The following BRINP1 variants were observed in gnomAD, a reference collection of about 807,000 sequenced individuals.
The protein encoded by BRINP1 is BMP/retinoic acid inducible neural specific 1.
A neutral mutation model predicts 72.9 loss-of-function variants in BRINP1; 17 were observed. That is an observed-to-expected ratio of 0.23 (90% confidence interval 0.16 to 0.35). The LOEUF is 0.35. BRINP1 is among the 10% of genes least tolerant of loss of function. BRINP1 has a pLI of 1.00. For missense variants in BRINP1, 850 were observed against 1,001.6 expected (o/e 0.85, Z 2.04); for synonymous variants, 418 against 378.5 (o/e 1.10, Z -1.21).
At chr9:119,173,341 G>C (rs1397622778) in intron 7 of BRINP1, among the ~76,000 whole-genome samples, 1 of 145,492 alleles carries the variant, frequency 6.9e-6, no homozygotes, top group African/African-American at 2.6e-5. Flanking sequence ...ACCAACAACA[G>C]ACAAACAGAG....
intron 1 of BRINP1, among the ~76,000 whole-genome samples, chr9:119,351,130 C>A (rs1831504549): frequency 6.6e-6 from 1 of 152,228 alleles, no homozygotes; most frequent in Non-Finnish European, 1.5e-5. Context: ...CATGTATTCT[C>A]ATCTATTCAT....
intron 7 of BRINP1, among the ~76,000 whole-genome samples, chr9:119,193,972 A>T (rs996769295): frequency 6.6e-6 from 1 of 152,176 alleles, no homozygotes. Context: ...TCTGAGATCC[A>T]TTCTAAGCAG....
intron 1 of BRINP1, among the ~76,000 whole-genome samples, chr9:119,337,934 C>A (rs1011652093): frequency 6.6e-6 from 1 of 152,136 alleles, no homozygotes; most frequent in African/African-American, 2.4e-5. Flanking sequence ...CACTGGGAAC[C>A]TAGGATGCCT....
chr9:119,215,187 C>T (rs1413379345), intron 5 of BRINP1, among the ~76,000 whole-genome samples: 1 of 152,144 alleles, frequency 6.6e-6, no homozygotes, highest in African/African-American at 2.4e-5. Flanking sequence ...TAGGAAGTGA[C>T]CAGCCCATGG....
intron 2 of BRINP1, among the ~76,000 whole-genome samples, chr9:119,303,832 G>A (rs1467308518): frequency 6.6e-6 from 1 of 151,108 alleles, no homozygotes; most frequent in Non-Finnish European, 1.5e-5. Context: ...TTAGCTACTA[G>A]TCCTCAAACA....
chr9:119,185,519 C>T (rs1018366867), intron 7 of BRINP1, among the ~76,000 whole-genome samples: 12 of 152,174 alleles, frequency 7.9e-5, no homozygotes, highest in South Asian at 2.1e-4. Flanking sequence ...GGCTAACACT[C>T]GTTGCCCAAC....
intron 1 of BRINP1, among the ~76,000 whole-genome samples, chr9:119,319,146 A>G (rs1217127695): frequency 6.6e-6 from 1 of 151,468 alleles, no homozygotes; most frequent in Non-Finnish European, 1.5e-5. Flanking sequence ...CTCTAATCCA[A>G]CTCCTTTTTA....
intron 1 of BRINP1, among the ~76,000 whole-genome samples, chr9:119,337,659 G>A (rs561992577): frequency 3.9e-5 from 6 of 152,324 alleles, no homozygotes; most frequent in Non-Finnish European, 7.3e-5. Flanking sequence ...AATTGAACCT[G>A]TGACCACAGT....
chr9:119,189,182 A>T (rs1829657730), intron 7 of BRINP1, among the ~76,000 whole-genome samples: 1 of 152,144 alleles, frequency 6.6e-6, no homozygotes, highest in African/African-American at 2.4e-5. Flanking sequence ...TTACAGAGAT[A>T]CACAAATGAG....
chr9:119,227,428 G>C, intron 5 of BRINP1, among the ~76,000 whole-genome samples: 1 of 152,016 alleles, frequency 6.6e-6, no homozygotes. Context: ...GGCGAGCATA[G>C]AACAAGGTGC....
chr9:119,279,280 C>T, intron 2 of BRINP1, among the ~76,000 whole-genome samples: 1 of 152,240 alleles, frequency 6.6e-6, no homozygotes, highest in East Asian at 1.9e-4. Flanking sequence ...TATCTAAACT[C>T]TTAGTTTGGT....
chr9:119,239,546 T>C (rs1358564583), intron 4 of BRINP1, among the ~76,000 whole-genome samples: 1 of 152,160 alleles, frequency 6.6e-6, no homozygotes, highest in Non-Finnish European at 1.5e-5. Flanking sequence ...TTATTTAGGG[T>C]TGTTTTGAAG....
Position 119,167,203 on chromosome 9 carries a change from T to C in BRINP1, c.2167A>G (p.Met723Val). 4 of 1,614,086 alleles carry C rather than the reference T, an allele frequency of 2.5e-6. No homozygotes were observed. In the South Asian group the frequency reaches 4.4e-5, roughly 18 times the overall value. ...GTCAGTTTCAGGCGGTGTTTCAGCATACAGGAGAACAAGTCCAGCTGGGGT... is the reference window on the plus strand; with the variant it reads ...GTCAGTTTCAGGCGGTGTTTCAGCACACAGGAGAACAAGTCCAGCTGGGGT... ...GKPQLDLFSCMLKHRLKLTNS... is the reference protein window; with the variant it reads ...GKPQLDLFSCVLKHRLKLTNS... Residue 723 changes from methionine (M) to valine (V), a missense_variant, in exon 8 of 8, where the codon ATG becomes GTG. By Grantham distance (21) the Met-to-Val change is conservative (BLOSUM62 1). Coordinates refer to ENST00000265922, the MANE Select transcript of BRINP1 (RefSeq NM_014618.3). This position sits in a 1 kb window ranked among gnomAD's most constrained non-coding sequence, Gnocchi z 4.3.
intron 2 of BRINP1, among the ~76,000 whole-genome samples, chr9:119,266,065 C>T (rs1210972953): frequency 1.3e-5 from 2 of 152,086 alleles, no homozygotes; most frequent in African/African-American, 2.4e-5. Context: ...GATAAACATG[C>T]CAATGCAGAT....
At chr9:119,293,910 A>G (rs1414946891) in intron 2 of BRINP1, among the ~76,000 whole-genome samples, 1 of 152,204 alleles carries the variant, frequency 6.6e-6, no homozygotes, top group Non-Finnish European at 1.5e-5. Flanking sequence ...CTGAGTAATT[A>G]GACAAGAAAA....
rs557527622 is a variant in BRINP1 at position 119,209,428 on chromosome 9, C to A, written c.923-487G>T. Among the ~76,000 whole-genome samples the A allele has an allele frequency of 2.6e-5, 4 of 151,920 alleles. No individual in the cohort carries two copies. In the South Asian group the frequency reaches 8.3e-4, roughly 32 times the overall value. On this transcript the variant is annotated intron_variant, in intron 6 of 7. Coordinates refer to ENST00000265922, the MANE Select transcript of BRINP1 (RefSeq NM_014618.3). ...ACTAAAAATATAAAAATTAACCAGGCGTGGTGGCAGGTGCCTGTAATCCCA... is the reference window on the plus strand; with the variant it reads ...ACTAAAAATATAAAAATTAACCAGGAGTGGTGGCAGGTGCCTGTAATCCCA...
intron 6 of BRINP1, among the ~76,000 whole-genome samples, chr9:119,211,810 G>A (rs182148035): frequency 3.3e-5 from 5 of 152,202 alleles, no homozygotes; most frequent in Non-Finnish European, 7.3e-5. Context: ...TAGAGGGAGT[G>A]TATGCCTTTT....
intron 7 of BRINP1, among the ~76,000 whole-genome samples, chr9:119,198,757 C>T (rs1829773080): frequency 2.0e-5 from 3 of 151,786 alleles, no homozygotes; most frequent in Admixed American, 1.3e-4. Context: ...CTGCAATCTC[C>T]GCCTCCCAGG....
intron 5 of BRINP1, among the ~76,000 whole-genome samples, chr9:119,236,985 T>G (rs966245847): frequency 6.6e-6 from 1 of 152,188 alleles, no homozygotes; most frequent in Non-Finnish European, 1.5e-5. Context: ...AAGCCCTCCA[T>G]GCATGTTAGA....
Sources: allele counts gnomAD v4.1 joint callset (sites outside exome capture counted in the v4.1 genomes callset), GRCh38; gene constraint gnomAD v4.1.1; non-coding constraint Gnocchi (gnomAD v3.1); transcripts MANE v1.5; gene names NCBI Gene and HGNC (gene_info 2026-07-23, HGNC 2026-07-21).